Variants in SNRPN observed in about 807,000 individuals in gnomAD.
SNRPN encodes the protein small nuclear ribonucleoprotein-associated protein N.
Under a neutral mutation model 25.2 loss-of-function variants are expected in SNRPN, and 7 were observed. The ratio of observed to expected loss-of-function variants is 0.28; its 90% CI spans 0.16 to 0.52. The LOEUF is 0.52. Ranked by LOEUF, SNRPN falls within the 20% of genes least tolerant of loss-of-function variation. The pLI is 0.96. For missense variants in SNRPN, 196 were observed against 322.5 expected, an observed-to-expected ratio of 0.61 and a Z score of 3.00; for synonymous variants, 124 against 110.6, an observed-to-expected ratio of 1.12 and a Z score of -0.76.
intron 1 of SNRPN, among the ~76,000 whole-genome samples, chr15:24,881,507 G>C (rs1164779586): frequency 7.8e-6 from 1 of 128,106 alleles, no homozygotes; most frequent in Non-Finnish European, 1.6e-5. Flanking sequence ...CTCCAGCCTG[G>C]GCAACAAGAG....
intron 1 of SNRPN, among the ~76,000 whole-genome samples, chr15:24,956,042 G>A (rs1004468224): frequency 1.3e-5 from 2 of 152,108 alleles, no homozygotes; most frequent in East Asian, 3.9e-4. Flanking sequence ...TTAAAACTGC[G>A]CAATGCCTAC....
intron 2 of SNRPN, among the ~76,000 whole-genome samples, chr15:24,839,816 C>G (rs2051531225): frequency 6.6e-6 from 1 of 151,386 alleles, no homozygotes; most frequent in South Asian, 2.1e-4. Context: ...CTCTTGGTGT[C>G]TTCTAATTAG....
intron 2 of SNRPN, among the ~76,000 whole-genome samples, chr15:24,916,164 G>C (rs950945455): frequency 6.6e-6 from 1 of 151,886 alleles, no homozygotes; most frequent in Non-Finnish European, 1.5e-5. Flanking sequence ...GTTTCACTAC[G>C]TGGGCCGGGC....
intron 2 of SNRPN, 123 bp from the exon 3 acceptor site, chr15:24,967,809 A>G (rs202079353): frequency 1.7e-3 from 112 of 64,814 alleles, no homozygotes; most frequent in Non-Finnish European, 3.0e-3. Flanking sequence ...CCCTGTCTGG[A>G]AAAAAAAAAA....
intron 3 of SNRPN, among the ~76,000 whole-genome samples, chr15:24,939,151 A>C (rs1488034549): frequency 6.6e-6 from 1 of 152,156 alleles, no homozygotes; most frequent in Non-Finnish European, 1.5e-5. Flanking sequence ...AGGAAACCAC[A>C]TAGTGTTTTG....
chr15:24,874,913 T>C (rs1355977772), intron 1 of SNRPN, among the ~76,000 whole-genome samples: 1 of 152,228 alleles, frequency 6.6e-6, no homozygotes, highest in East Asian at 1.9e-4. Context: ...TCTGCTTATA[T>C]TTTCCATCTT....
At chr15:24,864,631 A>G (rs866228507) in intron 1 of SNRPN, among the ~76,000 whole-genome samples, 11 of 149,072 alleles carry the variant, frequency 7.4e-5, no homozygotes, top group Middle Eastern at 3.5e-3. Flanking sequence ...GGTGTGAGCC[A>G]CTGTGCCTGG....
At chr15:24,942,781 C>T (rs370600967) in intron 3 of SNRPN, among the ~76,000 whole-genome samples, 1 of 152,220 alleles carries the variant, frequency 6.6e-6, no homozygotes, top group Admixed American at 6.5e-5. Context: ...GTGTTGGTCT[C>T]TGCTGAGGGT....
chr15:24,973,274 A>G (rs1043834440), intron 3 of SNRPN, among the ~76,000 whole-genome samples: 1 of 152,170 alleles, frequency 6.6e-6, no homozygotes, highest in African/African-American at 2.4e-5. Flanking sequence ...AGGATCTACC[A>G]TATTGCCTAA....
chr15:24,855,672 A>G (rs1275452731), upstream of SNRPN, among the ~76,000 whole-genome samples: 1 of 151,758 alleles, frequency 6.6e-6, no homozygotes, highest in Non-Finnish European at 1.5e-5. Flanking sequence ...GGCACCTGTA[A>G]TCCCAGCTAC....
chr15:24,970,575 A>G (rs187149014), intron 3 of SNRPN, among the ~76,000 whole-genome samples: 5 of 152,250 alleles, frequency 3.3e-5, no homozygotes, highest in East Asian at 1.9e-4. Flanking sequence ...CAAGACTTCT[A>G]TCTCAAAAAA....
chr15:24,875,516 C>A (rs945023316), intron 1 of SNRPN, among the ~76,000 whole-genome samples: 2 of 152,078 alleles, frequency 1.3e-5, no homozygotes, highest in African/African-American at 4.8e-5. Context: ...AATGTGAGGT[C>A]AAAGGTGAGA....
At chr15:24,974,901 T>G (rs1223675402) in intron 4 of SNRPN, 1 of 702,612 alleles carries the variant, frequency 1.4e-6, no homozygotes, top group East Asian at 2.7e-5. Context: ...ATACAGGAGT[T>G]TTTGGTCATG....
chr15:24,941,165 C>T (rs1320665205), intron 3 of SNRPN, among the ~76,000 whole-genome samples: 5 of 152,038 alleles, frequency 3.3e-5, no homozygotes, highest in Admixed American at 1.3e-4. Flanking sequence ...TTAGTAGATA[C>T]GGGGTTTTAA....
chr15:24,881,060 T>C (rs2056535641), intron 1 of SNRPN, among the ~76,000 whole-genome samples: 1 of 152,168 alleles, frequency 6.6e-6, no homozygotes, highest in South Asian at 2.1e-4. Context: ...ATTTCACTTT[T>C]ATGAACTAAA....
At chr15:24,847,875 T>C (rs1003363739) in intron 2 of SNRPN, among the ~76,000 whole-genome samples, 3 of 151,894 alleles carry the variant, frequency 2.0e-5, no homozygotes, top group African/African-American at 7.3e-5. Context: ...TTCAGCTGAC[T>C]TTGCAGTGTT....
intron 2 of SNRPN, among the ~76,000 whole-genome samples, chr15:24,898,611 A>G (rs2058241345): frequency 6.6e-6 from 1 of 152,134 alleles, no homozygotes; most frequent in Non-Finnish European, 1.5e-5. Context: ...GTATATATTG[A>G]AAGTATAAAG....
At chr15:24,923,173 T>C (rs1222222875) in intron 3 of SNRPN, among the ~76,000 whole-genome samples, 2 of 152,176 alleles carry the variant, frequency 1.3e-5, no homozygotes, top group Non-Finnish European at 2.9e-5. Flanking sequence ...CCCAAAGTGC[T>C]GGGATTACAG....
chr15:24,920,288 T>C lies in SNRPN; in HGVS notation c.-391+164T>C, dbSNP rs1035958681. ...CAAGCCGTGTTCATTTTAATTACGATTTAACTGCATAATTTAATTATTTCC... is the reference window on the plus strand; with the variant it reads ...CAAGCCGTGTTCATTTTAATTACGACTTAACTGCATAATTTAATTATTTCC... On this transcript the variant is annotated intron_variant, in intron 3 of 11. Coordinates refer to the SNRPN transcript ENST00000400097. Among the ~76,000 whole-genome samples the C allele has an allele frequency of 2.0e-5, 3 of 152,174 alleles. No individual in the cohort carries two copies. In the East Asian group the frequency reaches 5.8e-4, roughly 29 times the overall value.
Sources: gnomAD v4.1 joint callset for allele counts (sites outside exome capture counted in the v4.1 genomes callset) on GRCh38, gnomAD v4.1.1 for gene constraint, MANE v1.5 for transcripts, NCBI Gene and HGNC (gene_info 2026-07-23, HGNC 2026-07-21) for gene names.